TULP4: variants seen among roughly 807,000 people sequenced by gnomAD.
TULP4 encodes TUB like protein 4.
TULP4 carries 16 observed loss-of-function variants against 129.0 expected under a neutral mutation model. That is an observed-to-expected ratio of 0.12 (90% CI 0.08 to 0.19). TULP4 has a LOEUF of 0.19. Ranked by LOEUF, TULP4 falls within the 10% of genes least tolerant of loss-of-function variation. TULP4 has a pLI of 1.00. For synonymous variants in TULP4, 998 were observed against 854.0 expected, an observed-to-expected ratio of 1.17 and a Z score of -2.94; for missense variants, 1,842 against 2,059.1, an observed-to-expected ratio of 0.89 and a Z score of 2.04.
At chr6:158,286,385 A>G (rs1324257724) in intron 1 of TULP4, among the ~76,000 whole-genome samples, 2 of 152,180 alleles carry the variant, frequency 1.3e-5, no homozygotes, top group South Asian at 2.1e-4. Flanking sequence ...TTCTCTCGCA[A>G]TTATTTCTGT....
At chr6:158,239,947 C>T (rs1777832135) in intron 1 of TULP4, among the ~76,000 whole-genome samples, 1 of 52,126 alleles carries the variant, frequency 1.9e-5, no homozygotes, top group African/African-American at 5.8e-5. Context: ...GGGGGGCTGA[C>T]CCCCCCCACC....
intron 3 of TULP4, among the ~76,000 whole-genome samples, chr6:158,432,694 G>A (rs981612788): frequency 6.6e-6 from 1 of 152,148 alleles, no homozygotes; most frequent in African/African-American, 2.4e-5. Context: ...AACCCCGTCT[G>A]TACTAAAAAT....
At chr6:158,381,765 T>C (rs1217400159) in intron 1 of TULP4, among the ~76,000 whole-genome samples, 1 of 152,218 alleles carries the variant, frequency 6.6e-6, no homozygotes, top group Non-Finnish European at 1.5e-5. Flanking sequence ...GTAATGACAA[T>C]AGTTTCATTT....
chr6:158,318,482 A>T (rs898700814), intron 1 of TULP4, among the ~76,000 whole-genome samples: 1 of 152,164 alleles, frequency 6.6e-6, no homozygotes, highest in Non-Finnish European at 1.5e-5. Flanking sequence ...ATCTTACCTC[A>T]TGTTGTTTAC....
At chr6:158,265,224 GCCAGAACCTGTCTT>G (rs1428933944) in intron 1 of TULP4, among the ~76,000 whole-genome samples, 15 of 152,240 alleles carry the variant, frequency 9.9e-5, no homozygotes, top group African/African-American at 3.6e-4. Context: ...TAGCAGGTTA[GCCAGAACCTGTCTT>G]CTGATTCCTG....
At chr6:158,349,183 G>A (rs1332144874) in intron 1 of TULP4, among the ~76,000 whole-genome samples, 13 of 145,870 alleles carry the variant, frequency 8.9e-5, no homozygotes, top group Admixed American at 3.4e-4. Context: ...GCGGCTGCCC[G>A]GCAGAGGCGC....
At chr6:158,442,491 G>A (rs1778920994) in intron 3 of TULP4, among the ~76,000 whole-genome samples, 1 of 151,678 alleles carries the variant, frequency 6.6e-6, no homozygotes, top group African/African-American at 2.4e-5. Flanking sequence ...ACACCAACAG[G>A]CCAAGCAGAT....
At position 158,481,198 on chromosome 6, in the gene TULP4, G is replaced by T. The variant is rs1779935886; in HGVS notation, c.1395G>T (p.Leu465=). The change falls in exon 8 of 14, where the codon CTG becomes CTT. Residue 465 remains leucine, a synonymous_variant. Coordinates refer to ENST00000367097, the MANE Select transcript of TULP4 (RefSeq NM_020245.5). ...GCTACACGCTCTACCTGGAGTACCT[G>T]GGCGGGCTTGTGCCCATCCTCAAAG... ...GPCYTLYLEY[L]GGLVPILKGR... 6.2e-7 allele frequency: 1 copy of T among 1,614,112 alleles called. No individual in the cohort carries two copies. The highest frequency in any genetic ancestry group is 1.3e-5 in the African/African-American group (1 of 74,944).
At chr6:158,395,123 C>T (rs827969) in intron 1 of TULP4, among the ~76,000 whole-genome samples, 106,396 of 152,000 alleles carry the variant, frequency 0.7, 37,610 homozygotes, top group Middle Eastern at 0.76. Context: ...GAGATTTGGG[C>T]GGGGACACAA....
At chr6:158,291,689 T>G (rs1778944867) in intron 1 of TULP4, among the ~76,000 whole-genome samples, 1 of 152,162 alleles carries the variant, frequency 6.6e-6, no homozygotes, top group Admixed American at 6.5e-5. Context: ...TTTTAATCTA[T>G]CTTTCATTTC....
At chr6:158,324,481 G>T (rs925042933) in intron 1 of TULP4, among the ~76,000 whole-genome samples, 1 of 152,114 alleles carries the variant, frequency 6.6e-6, no homozygotes, top group African/African-American at 2.4e-5. Context: ...TGTTCATTTC[G>T]GTTCCGTAAA....
intron 1 of TULP4, among the ~76,000 whole-genome samples, chr6:158,284,187 C>G (rs1283759937): frequency 6.6e-6 from 1 of 152,076 alleles, no homozygotes; most frequent in Non-Finnish European, 1.5e-5. Flanking sequence ...CACTGAAGGC[C>G]GGGGCCTGGG....
chr6:158,303,365 T>C (rs927222727), intron 1 of TULP4, among the ~76,000 whole-genome samples: 5 of 152,098 alleles, frequency 3.3e-5, no homozygotes, highest in Non-Finnish European at 7.4e-5. Context: ...GGTAGGACCG[T>C]GATGCCCGCC....
intron 1 of TULP4, among the ~76,000 whole-genome samples, chr6:158,333,848 CACAA>C (rs1280090828): frequency 1.3e-5 from 2 of 151,904 alleles, no homozygotes; most frequent in African/African-American, 4.8e-5. Context: ...AACTTACACG[CACAA>C]ACAGACCACA....
intron 6 of TULP4, among the ~76,000 whole-genome samples, chr6:158,463,645 TAA>T (rs1187048286): frequency 1.2e-5 from 1 of 82,264 alleles, no homozygotes; most frequent in African/African-American, 6.0e-5. Flanking sequence ...TAAAGTATAA[TAA>T]AAATATATAT....
intron 11 of TULP4, among the ~76,000 whole-genome samples, chr6:158,495,449 G>A (rs1013859052): frequency 2.6e-5 from 4 of 152,196 alleles, no homozygotes; most frequent in Admixed American, 6.5e-5. Flanking sequence ...ATCACAGCTC[G>A]TATAGATTTC....
chr6:158,494,920 C>A, intron 11 of TULP4, 74 bp downstream of exon 11: 1 of 1,273,204 alleles, frequency 7.9e-7, no homozygotes, highest in Non-Finnish European at 1.1e-6. Context: ...CCTTTAGTGG[C>A]TTAAACTAGG....
chr6:158,306,123 G>T (rs1480008296), intron 1 of TULP4, among the ~76,000 whole-genome samples: 1 of 152,048 alleles, frequency 6.6e-6, no homozygotes, highest in African/African-American at 2.4e-5. Context: ...TGCCATATTT[G>T]TCTAGCATAT....
chr6:158,354,376 A>G (rs193072533), intron 1 of TULP4, among the ~76,000 whole-genome samples: 1 of 152,340 alleles, frequency 6.6e-6, no homozygotes, highest in African/African-American at 2.4e-5. Context: ...AAGTGAAGCC[A>G]TGGGGCATAC....
Sources: allele counts gnomAD v4.1 joint callset (sites outside exome capture counted in the v4.1 genomes callset), GRCh38; gene constraint gnomAD v4.1.1; transcripts MANE v1.5; gene names NCBI Gene and HGNC (gene_info 2026-07-23, HGNC 2026-07-21).